The following HERC4 variants were observed in gnomAD, a reference collection of about 807,000 sequenced individuals.
The protein encoded by HERC4 is HECT and RLD domain containing E3 ubiquitin protein ligase 4.
A neutral mutation model predicts 124.3 loss-of-function variants in HERC4; 28 were observed. The ratio of observed to expected loss-of-function variants is 0.23; its 90% CI spans 0.17 to 0.31. The LOEUF is 0.31. Among genes scored for constraint, HERC4 ranks in the 10% least tolerant of loss-of-function variants. HERC4 has a pLI of 1.00. For synonymous variants in HERC4, 407 were observed against 421.5 expected (o/e 0.97, Z 0.42); for missense variants, 713 against 1,229.3 (o/e 0.58, Z 6.28).
intron 19 of HERC4, among the ~76,000 whole-genome samples, chr10:67,953,665 A>C (rs2033957565): frequency 6.6e-6 from 1 of 152,182 alleles, no homozygotes; most frequent in Admixed American, 6.5e-5. Context: ...TGAAAGCAAA[A>C]CACAAAAAAT....
chr10:68,075,146 G>A lies in HERC4; in HGVS notation c.-111C>T, dbSNP rs1564628536. 6.5e-6 allele frequency: 1 copy of A among 152,912 alleles called. No individual in the cohort carries two copies. Among genetic ancestry groups the A allele is most frequent in the Admixed American group, 6.5e-5 (1 of 15,280 alleles). 9.5% of individuals were successfully genotyped at this position (152,912 alleles called of 1,614,324 possible). A position where few individuals can be genotyped will look rare whatever the true frequency, so the allele number is the denominator to read the frequency against. On this transcript the variant is annotated splice_region_variant and 5_prime_UTR_variant, in exon 1 of 25. Transcript: ENST00000373700. ...CCCCGGCCCCTGGGAAACTTTACCG[G>A]GTTCCTTAGAGAAAAGCGGACGCCA... is the stretch of plus-strand genomic sequence containing the variant.
At chr10:67,953,100 A>G (rs1249598183) in intron 19 of HERC4, among the ~76,000 whole-genome samples, 1 of 152,140 alleles carries the variant, frequency 6.6e-6, no homozygotes, top group Non-Finnish European at 1.5e-5. Flanking sequence ...TTTTCAAAAG[A>G]TCACCCATAG....
chr10:67,963,239 TG>T (rs2034634345), intron 16 of HERC4, among the ~76,000 whole-genome samples: 1 of 152,128 alleles, frequency 6.6e-6, no homozygotes, highest in African/African-American at 2.4e-5. Flanking sequence ...TTTTTTGAGA[TG>T]GAGTCTCACT....
intron 23 of HERC4, among the ~76,000 whole-genome samples, chr10:67,931,968 T>C (rs185470525): frequency 1.3e-5 from 2 of 152,204 alleles, no homozygotes; most frequent in Admixed American, 1.3e-4. Context: ...TACTTATTTT[T>C]TGTTTTTGAG....
chr10:67,974,091 CA>C (rs2035426634), intron 15 of HERC4, among the ~76,000 whole-genome samples: 1 of 138,042 alleles, frequency 7.2e-6, no homozygotes, highest in Admixed American at 7.7e-5. Flanking sequence ...CACACACACA[CA>C]CACACACACA....
intron 3 of HERC4, among the ~76,000 whole-genome samples, chr10:68,070,754 C>T (rs919740089): frequency 6.6e-6 from 1 of 152,110 alleles, no homozygotes; most frequent in South Asian, 2.1e-4. Flanking sequence ...AATATATCAT[C>T]GAACCAGAAC....
At chr10:67,939,049 G>T (rs1165007669) in intron 21 of HERC4, among the ~76,000 whole-genome samples, 1 of 152,178 alleles carries the variant, frequency 6.6e-6, no homozygotes, top group African/African-American at 2.4e-5. Context: ...ATATTGCAAT[G>T]CATTTGCATT....
At chr10:67,983,786 C>CAA (rs61012367) in intron 15 of HERC4, among the ~76,000 whole-genome samples, 48,653 of 99,612 alleles carry the variant, frequency 0.49, 13,849 homozygotes, top group Non-Finnish European at 0.63. Flanking sequence ...GACTCTGTCT[C>CAA]AAAAAAAAAA....
chr10:67,970,032 C>T (rs1051830365), intron 15 of HERC4, among the ~76,000 whole-genome samples: 20 of 152,304 alleles, frequency 1.3e-4, no homozygotes, highest in African/African-American at 4.3e-4. Context: ...CCATTTGACA[C>T]CCCACTTCCA....
intron 9 of HERC4, among the ~76,000 whole-genome samples, chr10:67,998,138 C>G (rs2037004283): frequency 6.6e-6 from 1 of 151,870 alleles, no homozygotes; most frequent in African/African-American, 2.4e-5. Flanking sequence ...ACCTTGTGAT[C>G]CACCTGCCTC....
intron 16 of HERC4, 180 bp downstream of exon 16, chr10:67,966,503 T>A (rs920263744): frequency 3.0e-5 from 15 of 506,188 alleles, no homozygotes; most frequent in Admixed American, 1.7e-4. Flanking sequence ...AAGAGTAGAA[T>A]GTTTGCATAT....
At chr10:67,936,082 G>T in intron 22 of HERC4, 71 bp downstream of exon 22, 3 of 974,930 alleles carry the variant, frequency 3.1e-6, no homozygotes, top group Non-Finnish European at 3.1e-6. Context: ...GTTGTGACAC[G>T]TTTTCTACGT....
intron 9 of HERC4, chr10:68,010,827 G>T: frequency 6.5e-7 from 1 of 1,533,306 alleles, no homozygotes; most frequent in South Asian, 1.1e-5. Context: ...TGCTTCAGGA[G>T]CTTGGCAAAT....
chr10:68,055,924 G>C (rs760694487), intron 3 of HERC4, among the ~76,000 whole-genome samples: 3 of 151,846 alleles, frequency 2.0e-5, no homozygotes, highest in Non-Finnish European at 2.9e-5. Flanking sequence ...GCTAATTTTT[G>C]TATTTTTAGT....
chr10:67,993,878 A>C (rs142538802), intron 9 of HERC4: 1 of 152,256 alleles, frequency 6.6e-6, no homozygotes, highest in African/African-American at 2.4e-5. Flanking sequence ...CCCATTCCTT[A>C]GTTGACTAAT....
intron 11 of HERC4, among the ~76,000 whole-genome samples, chr10:67,991,403 T>C (rs941192833): frequency 3.3e-5 from 5 of 152,180 alleles, no homozygotes; most frequent in Non-Finnish European, 7.4e-5. Flanking sequence ...CTGTTTATTC[T>C]AGACTTTCTT....
chr10:68,003,129 G>A (rs1333771867), intron 9 of HERC4, among the ~76,000 whole-genome samples: 1 of 151,486 alleles, frequency 6.6e-6, no homozygotes, highest in Admixed American at 6.6e-5. Flanking sequence ...TGAAATACTA[G>A]ACCTTATTCA....
chr10:67,979,936 C>CA lies in HERC4; in HGVS notation c.1806+8726dup, dbSNP rs144869077. 0.026 allele frequency among the ~76,000 whole-genome samples: 3,213 copies of CA among 124,602 alleles called. 304 individuals are homozygous for CA. The East Asian group carries it at 0.33, about 13-fold the overall frequency. The allele number at this position is 124,602 out of a possible 152,430, so 81.7% of individuals were successfully genotyped here. ...TGGGCGACAGAGCAAGACTCCATCT[C>CA]AAAAAAAAAAGAAAAAAAAACCTGT... On this transcript the variant is annotated intron_variant, in intron 15 of 24. Transcript: ENST00000373700.
chr10:67,992,410 T>G, intron 10 of HERC4, 87 bp from the exon 11 acceptor site: 1 of 1,494,580 alleles, frequency 6.7e-7, no homozygotes, highest in Non-Finnish European at 9.1e-7. Flanking sequence ...ATTTGTTCTT[T>G]AAACAGAATT....
Sources: gnomAD v4.1 joint callset for allele counts (sites outside exome capture counted in the v4.1 genomes callset) on GRCh38, gnomAD v4.1.1 for gene constraint, MANE v1.5 for transcripts, NCBI Gene and HGNC (gene_info 2026-07-23, HGNC 2026-07-21) for gene names.